Variants in CCNB3 observed in about 807,000 individuals in gnomAD.
CCNB3 encodes G2/mitotic-specific cyclin-B3.
Under a neutral mutation model 68.0 loss-of-function variants are expected in CCNB3, and 12 were observed. The observed-to-expected ratio is 0.18, with a 90% CI of 0.11 to 0.29. The LOEUF (loss-of-function observed/expected upper bound fraction) is 0.29, where lower values mean the gene tolerates loss of function less well. Ranked by LOEUF, CCNB3 falls within the 10% of genes least tolerant of loss-of-function variation. The probability of loss-of-function intolerance (pLI) is 1.00; values close to 1 mark genes in which losing one functional copy is unlikely to be tolerated. For synonymous variants in CCNB3, 354 were observed against 388.9 expected, an observed-to-expected ratio of 0.91 and a Z score of 1.06; for missense variants, 904 against 993.1, an observed-to-expected ratio of 0.91 and a Z score of 1.21.
chrX:50,308,248 C>T (rs186664830), intron 5 of CCNB3, among the ~76,000 whole-genome samples: 36 of 111,815 alleles, frequency 3.2e-4, no homozygotes, highest in Non-Finnish European at 5.8e-4. Context: ...GGTAATGAAG[C>T]ATATATAAGA....
At chrX:50,351,546 C>T in intron 12 of CCNB3, 61 bp from the exon 13 acceptor site, 3 of 1,083,581 alleles carry the variant, frequency 2.8e-6, no homozygotes, top group Non-Finnish European at 3.8e-6. Context: ...CCCACTTGTT[C>T]CATAGAGCAT....
Position 50,301,922 on chromosome X carries a change from A to G in CCNB3, c.336-6583A>G, listed in dbSNP as rs184986331. Among the ~76,000 whole-genome samples, 30 of 112,114 alleles carry G rather than the reference A, an allele frequency of 2.7e-4. 1 individual carries two copies. Among genetic ancestry groups the G allele is most frequent in the Middle Eastern group, 4.6e-3 (1 of 217 alleles). On this transcript the variant is annotated intron_variant, in intron 5 of 12. Transcript: ENST00000376042. ...ATAAGCGAGGCTCTGTGGGCATAGG[A>G]CCCTCCGAGCCATGTGCGGGATATA...
In CCNB3 at chrX:50,321,823, A is replaced by T. The variant is rs59718082; in HGVS notation, c.3516+7875A>T. 4.7e-4 allele frequency among the ~76,000 whole-genome samples: 52 copies of T among 110,552 alleles called. 1 individual carries two copies. The highest frequency in any genetic ancestry group is 1.7e-3 in the African/African-American group (52 of 30,242). ...TTTGTCGAGTTTTCAAAAATAGCCC[A>T]TTAGGATTAATTCAGGAAAAATTCA... On this transcript the variant is annotated intron_variant, in intron 8 of 12. Transcript: ENST00000376042.
Position 50,313,818 on chromosome X carries a change from G to A in CCNB3, c.3424-38G>A, listed in dbSNP as rs782202414. 4 of 974,788 alleles carry A rather than the reference G, an allele frequency of 4.1e-6. No individual in the cohort carries two copies. In the African/African-American group the frequency reaches 7.6e-5, roughly 19 times the overall value. The allele number at this position is 974,788 out of a possible 1,213,427, so 80.3% of individuals were successfully genotyped here. On this transcript the variant is annotated intron_variant, in intron 7 of 12. Transcript: ENST00000376042. ...AAGTTACAATGTTGAACTATAAGAA[G>A]AGTTTATTTATTAACATTTCTTTCT... is the stretch of plus-strand genomic sequence containing the variant.
chrX:50,308,823 A>C lies in CCNB3; in HGVS notation c.654A>C (p.Lys218Asn), dbSNP rs782443642. 1 of 1,209,726 alleles carries C rather than the reference A, an allele frequency of 8.3e-7. No individual in the cohort carries two copies. The highest frequency in any genetic ancestry group is 1.1e-6 in the Non-Finnish European group (1 of 895,168). The change falls in exon 6 of 13, where the codon AAA (lysine) becomes AAC (asparagine). Residue 218 changes from lysine (K) to asparagine (N), a missense_variant. Coordinates refer to ENST00000376042, the MANE Select transcript of CCNB3 (RefSeq NM_033031.3). ...CAATGACTTTTAAGAAGACACATAA[A>C]ACTGAGGAGGCAGCCATCACCAAGA... ...IEPMTFKKTH[K>N]TEEAAITKKT...
intron 1 of CCNB3, among the ~76,000 whole-genome samples, chrX:50,228,648 A>T (rs1395141818): frequency 1.2e-5 from 1 of 83,299 alleles, no homozygotes; most frequent in Non-Finnish European, 2.2e-5. Flanking sequence ...TAGAATATAT[A>T]TAGAATATAT....
intron 12 of CCNB3, 79 bp from the exon 13 acceptor site, chrX:50,351,528 C>T: frequency 9.6e-7 from 1 of 1,036,335 alleles, no homozygotes; most frequent in African/African-American, 1.8e-5. Flanking sequence ...AAACTAAGGG[C>T]TGTATGTCCC....
intron 5 of CCNB3, among the ~76,000 whole-genome samples, chrX:50,306,331 C>T (rs189303635): frequency 9.0e-6 from 1 of 111,028 alleles, no homozygotes; most frequent in East Asian, 2.9e-4. Flanking sequence ...GATTTTGTGT[C>T]CTGGAATCTT....
At chrX:50,296,024 G>A (rs1376057621) in intron 5 of CCNB3, among the ~76,000 whole-genome samples, 1 of 111,692 alleles carries the variant, frequency 9.0e-6, no homozygotes, top group Non-Finnish European at 1.9e-5. Flanking sequence ...CTGCTGAAAT[G>A]GAATTCTGGA....
chrX:50,207,360 T>C (rs1442216832), intron 1 of CCNB3, among the ~76,000 whole-genome samples: 3 of 112,210 alleles, frequency 2.7e-5, no homozygotes, highest in African/African-American at 9.7e-5. Context: ...AATTCACATA[T>C]CACATTCTGC....
At chrX:50,221,935 T>A (rs1935680937) in intron 1 of CCNB3, among the ~76,000 whole-genome samples, 1 of 111,521 alleles carries the variant, frequency 9.0e-6, no homozygotes, top group Admixed American at 9.5e-5. Context: ...GAACTTGCTT[T>A]ATGAATCTGG....
chrX:50,225,392 G>A (rs1410244213), intron 1 of CCNB3, among the ~76,000 whole-genome samples: 1 of 111,458 alleles, frequency 9.0e-6, no homozygotes, highest in Non-Finnish European at 1.9e-5. Context: ...GGTTCATGAC[G>A]TAGGCAGGAC....
chrX:50,212,673 A>T (rs1387685321), intron 1 of CCNB3, among the ~76,000 whole-genome samples: 21 of 109,724 alleles, frequency 1.9e-4, no homozygotes, highest in African/African-American at 6.6e-4. Flanking sequence ...CACCCCAGCC[A>T]CCCCTCCACC....
At chrX:50,303,063 T>C (rs975000949) in intron 5 of CCNB3, among the ~76,000 whole-genome samples, 1 of 111,324 alleles carries the variant, frequency 9.0e-6, no homozygotes, top group Non-Finnish European at 1.9e-5. Flanking sequence ...GGCTACGCCA[T>C]TTTACATTTC....
At chrX:50,323,168 C>G (rs1166088130) in intron 8 of CCNB3, among the ~76,000 whole-genome samples, 12 of 111,341 alleles carry the variant, frequency 1.1e-4, no homozygotes, top group African/African-American at 3.9e-4. Flanking sequence ...TGGAACCAAG[C>G]CAAATGTCCA....
intron 1 of CCNB3, among the ~76,000 whole-genome samples, chrX:50,228,693 TAGAATATATATAGAATATATATAA>T (rs1183006889): frequency 6.2e-5 from 5 of 80,172 alleles, no homozygotes; most frequent in African/African-American, 2.0e-4. Context: ...AATATATACA[TAGAATATATATAGAATATATATAA>T]AGAATATATA....
At chrX:50,281,976 T>A (rs1353985489) in intron 1 of CCNB3, among the ~76,000 whole-genome samples, 1 of 111,266 alleles carries the variant, frequency 9.0e-6, no homozygotes, top group Non-Finnish European at 1.9e-5. Flanking sequence ...TCTGCTACGC[T>A]TAGAATCGTA....
intron 8 of CCNB3, among the ~76,000 whole-genome samples, chrX:50,314,462 A>C (rs1315360229): frequency 8.9e-6 from 1 of 112,022 alleles, no homozygotes; most frequent in Admixed American, 9.5e-5. Flanking sequence ...AGCATATAGT[A>C]GGGGGTCAGT....
At chrX:50,226,662 A>AATATATATATAGAATATATCTATAAAT (rs1301328060) in intron 1 of CCNB3, among the ~76,000 whole-genome samples, 1 of 73,787 alleles carries the variant, frequency 1.4e-5, no homozygotes, top group African/African-American at 6.9e-5. Flanking sequence ...TATATCTATA[A>AATATATATATAGAATATATCTATAAAT]ATATATATAG....
Sources: allele counts gnomAD v4.1 joint callset (sites outside exome capture counted in the v4.1 genomes callset), GRCh38; gene constraint gnomAD v4.1.1; transcripts MANE v1.5; gene names NCBI Gene and HGNC (gene_info 2026-07-23, HGNC 2026-07-21).